GPR176: variants seen among roughly 807,000 people sequenced by gnomAD.
GPR176 encodes G-protein coupled receptor 176.
A neutral mutation model predicts 35.4 loss-of-function variants in GPR176; 26 were observed. That is an observed-to-expected ratio of 0.74 (90% CI 0.54 to 1.02). GPR176 has a LOEUF of 1.02. Among genes scored for constraint, GPR176 ranks in the 50% least tolerant of loss-of-function variants. The pLI is 0.00. For synonymous variants in GPR176, 278 were observed against 271.3 expected (o/e 1.02, Z -0.24); for missense variants, 597 against 665.3 (o/e 0.90, Z 1.13).
chr15:39,892,673 A>C (rs963889567), intron 1 of GPR176, among the ~76,000 whole-genome samples: 1 of 152,240 alleles, frequency 6.6e-6, no homozygotes, highest in Non-Finnish European at 1.5e-5. Flanking sequence ...GTGACCACAG[A>C]GGCAGGGACT....
chr15:39,912,186 G>A (rs914297466), intron 1 of GPR176, among the ~76,000 whole-genome samples: 1 of 152,088 alleles, frequency 6.6e-6, no homozygotes, highest in Non-Finnish European at 1.5e-5. Context: ...TTTTAGTTTT[G>A]CCTAGGGTAA....
chr15:39,918,617 C>T (rs1203601043), intron 1 of GPR176, among the ~76,000 whole-genome samples: 1 of 152,028 alleles, frequency 6.6e-6, no homozygotes, highest in East Asian at 1.9e-4. Context: ...TAGGCTTTTG[C>T]TTTGCTAATG....
At chr15:39,839,725 C>G (rs573280844) in intron 1 of GPR176, among the ~76,000 whole-genome samples, 2 of 152,240 alleles carry the variant, frequency 1.3e-5, no homozygotes, top group East Asian at 3.9e-4. Context: ...TTATAATCTA[C>G]CCATCTGACA....
chr15:39,894,437 G>A (rs1013776762), intron 1 of GPR176: 20 of 162,018 alleles, frequency 1.2e-4, no homozygotes, highest in Non-Finnish European at 2.0e-4. Context: ...GGCGGCTGCC[G>A]GGCGGAGGGG....
chr15:39,895,422 G>A (rs2033084584), intron 1 of GPR176, among the ~76,000 whole-genome samples: 1 of 152,130 alleles, frequency 6.6e-6, no homozygotes, highest in Admixed American at 6.5e-5. Flanking sequence ...ATTAAAACCA[G>A]TATAAATACA....
At chr15:39,910,875 T>C (rs2033560262) in intron 1 of GPR176, among the ~76,000 whole-genome samples, 1 of 151,898 alleles carries the variant, frequency 6.6e-6, no homozygotes, top group Non-Finnish European at 1.5e-5. Context: ...CCATCTCTAC[T>C]AAAAATACAA....
intron 2 of GPR176, among the ~76,000 whole-genome samples, chr15:39,805,932 A>G (rs932786855): frequency 2.3e-4 from 35 of 152,214 alleles, no homozygotes; most frequent in Admixed American, 1.7e-3. Context: ...TTCTATTCCA[A>G]CATCCATTCT....
At chr15:39,915,543 T>C (rs566433143) in intron 1 of GPR176, among the ~76,000 whole-genome samples, 1 of 152,300 alleles carries the variant, frequency 6.6e-6, no homozygotes, top group East Asian at 1.9e-4. Context: ...TTTTGCGGTC[T>C]AGCCAGACAA....
At chr15:39,896,872 T>C (rs892783420) in intron 1 of GPR176, among the ~76,000 whole-genome samples, 2 of 152,200 alleles carry the variant, frequency 1.3e-5, no homozygotes. Context: ...CCTGTCTCTA[T>C]AAAGAGAGAG....
rs542211246 is a variant in GPR176 at position 39,836,330 on chromosome 15, A to C, written c.173-29072T>G. On this transcript the variant is annotated intron_variant, in intron 1 of 2. Coordinates refer to ENST00000561100, the MANE Select transcript of GPR176 (RefSeq NM_007223.3). Reference sequence around the variant, plus strand: ...GCAGATCTCTCATAAATGGCTTGGTACCTTCCCCTGAGTTCATATGATATC... The same window carrying C: ...GCAGATCTCTCATAAATGGCTTGGTCCCTTCCCCTGAGTTCATATGATATC... Among the ~76,000 whole-genome samples the C allele has an allele frequency of 1.1e-3, 171 of 152,076 alleles. 1 individual carries two copies. Among genetic ancestry groups the C allele is most frequent in the African/African-American group, 3.8e-3 (157 of 41,506 alleles).
intron 1 of GPR176, among the ~76,000 whole-genome samples, chr15:39,913,778 G>A (rs35378320): frequency 3.3e-5 from 5 of 152,208 alleles, no homozygotes. Context: ...CGGGCGCGGT[G>A]GCTCACGCCT....
At chr15:39,817,060 T>C (rs1233301819) in intron 1 of GPR176, among the ~76,000 whole-genome samples, 22 of 22,068 alleles carry the variant, frequency 1.0e-3, no homozygotes, top group African/African-American at 4.6e-3. Context: ...CAGAGCAGGA[T>C]TCTGTCTCAA....
At chr15:39,901,928 A>AT (rs1307588657) in intron 1 of GPR176, among the ~76,000 whole-genome samples, 1 of 151,810 alleles carries the variant, frequency 6.6e-6, no homozygotes, top group Admixed American at 6.6e-5. Context: ...ACAAAAAAAA[A>AT]AAAAAATTAG....
chr15:39,835,314 C>T (rs748162073), intron 1 of GPR176, among the ~76,000 whole-genome samples: 4 of 151,770 alleles, frequency 2.6e-5, no homozygotes, highest in African/African-American at 4.8e-5. Context: ...CCACTGTGCC[C>T]GGCCAAAATA....
chr15:39,890,105 C>T (rs1018928039), intron 1 of GPR176, among the ~76,000 whole-genome samples: 1 of 152,104 alleles, frequency 6.6e-6, no homozygotes, highest in African/African-American at 2.4e-5. Context: ...ATCACCACGC[C>T]TGGCTTTTTT....
At chr15:39,880,053 A>C (rs1411064286) in intron 1 of GPR176, among the ~76,000 whole-genome samples, 1 of 152,204 alleles carries the variant, frequency 6.6e-6, no homozygotes, top group South Asian at 2.1e-4. Flanking sequence ...ACTCATGCAC[A>C]CAGTGAACAC....
chr15:39,850,319 A>G (rs1409930377), intron 1 of GPR176, among the ~76,000 whole-genome samples: 1 of 152,208 alleles, frequency 6.6e-6, no homozygotes, highest in African/African-American at 2.4e-5. Context: ...CCACCATCAT[A>G]TATGTGGTCC....
At chr15:39,838,593 C>A (rs1901551742) in intron 1 of GPR176, among the ~76,000 whole-genome samples, 1 of 152,058 alleles carries the variant, frequency 6.6e-6, no homozygotes, top group Admixed American at 6.6e-5. Context: ...ACATGATTAT[C>A]TCAATAGATG....
chr15:39,895,402 T>C (rs567302438), intron 1 of GPR176, among the ~76,000 whole-genome samples: 96 of 152,308 alleles, frequency 6.3e-4, no homozygotes, highest in African/African-American at 2.3e-3. Flanking sequence ...AACATAAGAT[T>C]TGACACTATA....
Sources: allele counts gnomAD v4.1 joint callset (sites outside exome capture counted in the v4.1 genomes callset), GRCh38; gene constraint gnomAD v4.1.1; transcripts MANE v1.5; gene names NCBI Gene and HGNC (gene_info 2026-07-23, HGNC 2026-07-21).